NTRK1: variants seen among roughly 807,000 people sequenced by gnomAD.
NTRK1 encodes high affinity nerve growth factor receptor.
Under a neutral mutation model 86.8 loss-of-function variants are expected in NTRK1, and 62 were observed. That is an observed-to-expected ratio of 0.71 (90% CI 0.58 to 0.88). The LOEUF (loss-of-function observed/expected upper bound fraction) is 0.88, where lower values mean the gene tolerates loss of function less well. Among genes scored for constraint, NTRK1 ranks in the 40% least tolerant of loss-of-function variants. The pLI is 0.00. For synonymous variants in NTRK1, 469 were observed against 456.6 expected (o/e 1.03, Z -0.35); for missense variants, 967 against 1,078.4 (o/e 0.90, Z 1.45).
intron 1 of NTRK1, among the ~76,000 whole-genome samples, chr1:156,832,009 A>T (rs1221991760): frequency 1.3e-5 from 2 of 152,218 alleles, no homozygotes; most frequent in Admixed American, 6.5e-5. Context: ...CAGCTGGTCC[A>T]GCTGATGCTT....
chr1:156,843,498 G>A (rs777063020), intron 2 of NTRK1: 1 of 1,613,844 alleles, frequency 6.2e-7, no homozygotes, highest in South Asian at 1.1e-5. Flanking sequence ...GGAGGTGAGG[G>A]GGTCAGGCTG....
intron 6 of NTRK1, among the ~76,000 whole-genome samples, chr1:156,871,337 T>C (rs1647536578): frequency 6.6e-6 from 1 of 152,120 alleles, no homozygotes; most frequent in African/African-American, 2.4e-5. Flanking sequence ...AGAGGATTGC[T>C]TGAGGCCCTG....
At chr1:156,845,540 A>G (rs528220214) in intron 2 of NTRK1, 1 of 1,311,640 alleles carries the variant, frequency 7.6e-7, no homozygotes, top group African/African-American at 1.5e-5. Context: ...CCCACCCACA[A>G]ACCCCACCCC....
intron 1 of NTRK1, among the ~76,000 whole-genome samples, chr1:156,821,453 C>CTGTGTGTGTGTGTGTGTG (rs59579534): frequency 7.2e-6 from 1 of 137,938 alleles, no homozygotes; most frequent in African/African-American, 2.8e-5. Flanking sequence ...CTAATTTAGC[C>CTGTGTGTGTGTGTGTGTG]TGTGTGTGTG....
At chr1:156,855,123 TA>T (rs1241450509) in intron 2 of NTRK1, among the ~76,000 whole-genome samples, 1 of 152,168 alleles carries the variant, frequency 6.6e-6, no homozygotes, top group East Asian at 1.9e-4. Flanking sequence ...CCCACCTCCT[TA>T]AGTCTGGCCA....
intron 2 of NTRK1, chr1:156,849,278 A>T (rs1045454715): frequency 6.2e-7 from 1 of 1,613,652 alleles, no homozygotes; most frequent in Non-Finnish European, 8.5e-7. Flanking sequence ...GCGGGGGTTG[A>T]TCTCAGCCTT....
chr1:156,857,163 A>G (rs79828329), upstream of NTRK1, among the ~76,000 whole-genome samples: 1,853 of 130,582 alleles, frequency 0.014, 25 homozygotes, highest in African/African-American at 0.021. Context: ...GCAGCTGTGT[A>G]TGTGTGTGTG....
At chr1:156,851,849 C>T (rs1655222310) in intron 2 of NTRK1, 4 of 1,576,248 alleles carry the variant, frequency 2.5e-6, no homozygotes, top group Non-Finnish European at 1.7e-6. Context: ...CAGGCCTCCT[C>T]ACTGCTCCCA....
At chr1:156,880,424 C>A in intron 16 of NTRK1, 1 of 544,982 alleles carries the variant, frequency 1.8e-6, no homozygotes, top group Non-Finnish European at 3.3e-6. Flanking sequence ...GAGCCCAGAC[C>A]CCCATCCCTA....
intron 4 of NTRK1, 24 bp from the exon 5 acceptor site, chr1:156,868,078 CTG>C (rs1647273621): frequency 2.5e-6 from 4 of 1,613,394 alleles, no homozygotes; most frequent in Middle Eastern, 1.6e-4. Flanking sequence ...TTCCTTGACT[CTG>C]TTGGTGTCCC....
chr1:156,839,607 C>CTGTG (rs745957627), intron 1 of NTRK1, among the ~76,000 whole-genome samples: 61 of 152,352 alleles, frequency 4.0e-4, no homozygotes, highest in Non-Finnish European at 7.5e-4. Context: ...CCCTGCTCTG[C>CTGTG]TGTGTGTTCC....
At chr1:156,818,052 T>A (rs1654064941) in intron 1 of NTRK1, among the ~76,000 whole-genome samples, 1 of 152,222 alleles carries the variant, frequency 6.6e-6, no homozygotes, top group African/African-American at 2.4e-5. Flanking sequence ...ACAGGAACAT[T>A]ATCCCCATTT....
chr1:156,841,438 C>T (rs1274363269), intron 1 of NTRK1: 1 of 1,613,990 alleles, frequency 6.2e-7, no homozygotes, highest in South Asian at 1.1e-5. Flanking sequence ...CCCCGCCATC[C>T]ATGACGAACT....
In NTRK1 at chr1:156,873,766, C is replaced by T. The variant is rs1647711213; in HGVS notation, c.984C>T (p.Ile328=). The T allele has an allele frequency of 6.2e-7, 1 of 1,613,290 alleles. No homozygotes were observed. Residue 328 remains isoleucine (I), a synonymous_variant, in exon 8 of 17, where the codon ATC becomes ATT. Transcript: ENST00000524377. ...CCGTGCTCAATGAGACCAGCTTCAT[C>T]TTCACTGAGTTCCTGGAGCCGGCAG... ...NGSVLNETSF[I]FTEFLEPAAN... is the part of the protein sequence containing the mutation.
rs1248721729 is a variant in NTRK1 at position 156,847,944 on chromosome 1, CTG to C, written c.50+5753_50+5754del. Among the ~76,000 whole-genome samples the C allele has an allele frequency of 2.0e-5, 3 of 152,318 alleles. No individual in the cohort carries two copies. The East Asian group carries it at 5.8e-4, about 29-fold the overall frequency. ...GCCGGGGAGCTGGGGGAGATTCACA[CTG>C]TAGTCATGCCAGGGCTCCTTAGAGT... is the stretch of plus-strand genomic sequence containing the variant. On this transcript the variant is annotated intron_variant, in intron 2 of 16. Coordinates refer to the NTRK1 transcript ENST00000392302.
intron 2 of NTRK1, chr1:156,853,973 A>G (rs1282988181): frequency 1.6e-5 from 26 of 1,613,086 alleles, no homozygotes; most frequent in Non-Finnish European, 2.1e-5. Flanking sequence ...CTCCACACGC[A>G]CAGCCCCACG....
chr1:156,864,741 A>G lies in NTRK1; in HGVS notation c.301A>G (p.Ser101Gly), dbSNP rs778582725. The change falls in exon 3 of 17, where the codon AGT (serine) becomes GGT (glycine). Residue 101 changes from serine to glycine, a missense_variant. Ser to Gly is a moderately conservative substitution (Grantham distance 56). Around this residue, in one of 2 missense-constraint regions of NTRK1, gnomAD observed 330 missense variants for 302.0 expected, o/e 1.09. Coordinates refer to ENST00000524377, the MANE Select transcript of NTRK1 (RefSeq NM_002529.4). ...ACCCCTCCCCAGCACCATCGTGAAG[A>G]GTGGTCTCCGTTTCGTGGCGCCAGA... is the stretch of plus-strand genomic sequence containing the variant. ...GELRNLTIVKSGLRFVAPDAF... is the reference protein window; with the variant it reads ...GELRNLTIVKGGLRFVAPDAF... The G allele has an allele frequency of 1.2e-6, 2 of 1,614,000 alleles. No individual in the cohort carries two copies. The highest frequency in any genetic ancestry group is 1.7e-6 in the Non-Finnish European group (2 of 1,179,972).
intron 10 of NTRK1, 82 bp downstream of exon 10, chr1:156,874,708 G>A (rs1430205386): frequency 6.9e-7 from 1 of 1,441,254 alleles, no homozygotes; most frequent in Non-Finnish European, 9.6e-7. Context: ...TTTCTGGTCA[G>A]AGCAGGGAGA....
chr1:156,829,571 G>C (rs1044112729), intron 1 of NTRK1, among the ~76,000 whole-genome samples: 18 of 152,174 alleles, frequency 1.2e-4, no homozygotes, highest in Non-Finnish European at 2.4e-4. Flanking sequence ...GTTGGGCCCA[G>C]CTCTGGGTAG....
Sources: gnomAD v4.1 joint callset for allele counts (sites outside exome capture counted in the v4.1 genomes callset) on GRCh38, gnomAD v4.1.1 for gene constraint, gnomAD v4.1.1 regional missense constraint, MANE v1.5 for transcripts, NCBI Gene and HGNC (gene_info 2026-07-23, HGNC 2026-07-21) for gene names.